Variants in CDH23 observed in about 807,000 individuals in gnomAD.
The protein encoded by CDH23 is cadherin-23.
CDH23 carries 189 observed loss-of-function variants against 317.1 expected under a neutral mutation model. The ratio of observed to expected loss-of-function variants is 0.60; its 90% CI spans 0.53 to 0.67. The LOEUF (loss-of-function observed/expected upper bound fraction) is 0.67, where lower values mean the gene tolerates loss of function less well. Among genes scored for constraint, CDH23 ranks in the 30% least tolerant of loss-of-function variants. The pLI, the probability that CDH23 is intolerant of heterozygous loss-of-function variation, is 0.00. For missense variants in CDH23, 4,401 were observed against 4,592.4 expected, an observed-to-expected ratio of 0.96 and a Z score of 1.20; for synonymous variants, 1,839 against 1,876.8, an observed-to-expected ratio of 0.98 and a Z score of 0.52.
chr10:71,752,425 G>A, intron 38 of CDH23, among the ~76,000 whole-genome samples: 1 of 152,152 alleles, frequency 6.6e-6, no homozygotes, highest in East Asian at 1.9e-4. Context: ...CAGGTACCGG[G>A]GCAGGAACTT....
At chr10:71,729,202 A>C (rs1866950109) in intron 30 of CDH23, among the ~76,000 whole-genome samples, 1 of 152,238 alleles carries the variant, frequency 6.6e-6, no homozygotes, top group African/African-American at 2.4e-5. Context: ...AAGAGAACTT[A>C]GTGCTGGTAA....
chr10:71,497,618 G>A (rs980549108), intron 3 of CDH23, among the ~76,000 whole-genome samples: 1 of 152,202 alleles, frequency 6.6e-6, no homozygotes, highest in Non-Finnish European at 1.5e-5. Context: ...GGTCTTCTCT[G>A]CCTGTCTATC....
intron 3 of CDH23, among the ~76,000 whole-genome samples, chr10:71,453,051 C>T (rs749247357): frequency 3.1e-4 from 47 of 152,192 alleles, no homozygotes; most frequent in African/African-American, 1.1e-3. Flanking sequence ...GGCTCCCTGT[C>T]CTTCCTTTTG....
At chr10:71,457,301 C>T (rs1850742895) in intron 3 of CDH23, among the ~76,000 whole-genome samples, 1 of 152,188 alleles carries the variant, frequency 6.6e-6, no homozygotes, top group Non-Finnish European at 1.5e-5. Context: ...AGTTAGGTTA[C>T]CTGCACAATC....
chr10:71,642,393 C>T (rs200045456), intron 11 of CDH23, among the ~76,000 whole-genome samples: 6 of 85,422 alleles, frequency 7.0e-5, no homozygotes, highest in Non-Finnish European at 1.1e-4. Context: ...GGCCCGGCCT[C>T]TTTTTTTTTT....
At chr10:71,448,335 C>T (rs1447690488) in intron 3 of CDH23, among the ~76,000 whole-genome samples, 3 of 152,250 alleles carry the variant, frequency 2.0e-5, no homozygotes, top group Admixed American at 1.3e-4. Context: ...ACGCCAGCAT[C>T]GATCGGCCTC....
Position 71,692,302 on chromosome 10 carries a change from C to CG in CDH23, c.2176+1722dup, listed in dbSNP as rs554653181. On this transcript the variant is annotated intron_variant, in intron 20 of 69. Transcript: ENST00000224721. ...CCACCCCCGCCCTTGCCTCCCCAGT[C>CG]GGGGCTCCAGCTCCACCTGGGGCCT... is the stretch of plus-strand genomic sequence containing the variant. Among the ~76,000 whole-genome samples the CG allele has an allele frequency of 8.5e-5, 13 of 152,324 alleles. No individual in the cohort carries two copies. The East Asian group carries it at 2.3e-3, about 27-fold the overall frequency.
chr10:71,493,083 T>A (rs985377985), intron 3 of CDH23, among the ~76,000 whole-genome samples: 1 of 151,780 alleles, frequency 6.6e-6, no homozygotes, highest in African/African-American at 2.4e-5. Flanking sequence ...GTTAAGAGAG[T>A]GTGTAGCCCC....
rs573634318 is a variant in CDH23 at position 71,525,298 on chromosome 10, G to A, written c.429+14086G>A. On this transcript the variant is annotated intron_variant, in intron 6 of 69. Coordinates refer to ENST00000224721, the MANE Select transcript of CDH23 (RefSeq NM_022124.6). Reference sequence around the variant, plus strand: ...AATCTGTGTTGTTTTAAGCCACTACGTATGTAGTAACTTGTTACAGCAGCC... The same window carrying A: ...AATCTGTGTTGTTTTAAGCCACTACATATGTAGTAACTTGTTACAGCAGCC... Among the ~76,000 whole-genome samples the A allele has an allele frequency of 2.8e-4, 43 of 152,330 alleles. No homozygotes were observed. The East Asian group carries it at 6.9e-3, about 25-fold the overall frequency.
chr10:71,586,615 C>T (rs942426027), intron 9 of CDH23, among the ~76,000 whole-genome samples: 3 of 152,126 alleles, frequency 2.0e-5, no homozygotes, highest in Admixed American at 2.0e-4. Context: ...ACACCTTACC[C>T]TCACCTTACC....
Position 71,468,460 on chromosome 10 carries a change from G to T in CDH23, c.145+22065G>T, listed in dbSNP as rs374482848. On this transcript the variant is annotated intron_variant, in intron 3 of 69. Coordinates refer to ENST00000224721, the MANE Select transcript of CDH23 (RefSeq NM_022124.6). ...GGCCATCTGTACTAGCATCCATGAT[G>T]CATGATCCTTCCAGCCTGTGTGGAT... 1.7e-4 allele frequency among the ~76,000 whole-genome samples: 26 copies of T among 152,306 alleles called. No homozygotes were observed. In the East Asian group the frequency reaches 3.7e-3, roughly 22 times the overall value.
At position 71,397,853 on chromosome 10, in the gene CDH23, G is replaced by A. The variant is rs1210771442; in HGVS notation, c.-6+535G>A. On this transcript the variant is annotated intron_variant, in intron 1 of 69. Transcript: ENST00000224721. This position sits in a 1 kb window ranked among gnomAD's most constrained non-coding sequence, Gnocchi z 4.8. ...CTCCCCTCATCAAGTCCCTGTGCCC[G>A]CGGGAGACCCCAGGGGACTTACACA... Among the ~76,000 whole-genome samples, 1 of 152,138 alleles carries A rather than the reference G, an allele frequency of 6.6e-6. No individual in the cohort carries two copies. Among genetic ancestry groups the A allele is most frequent in the Non-Finnish European group, 1.5e-5 (1 of 68,000 alleles).
At chr10:71,665,760 G>C (rs1247498966) in intron 14 of CDH23, among the ~76,000 whole-genome samples, 1 of 152,162 alleles carries the variant, frequency 6.6e-6, no homozygotes, top group Non-Finnish European at 1.5e-5. Flanking sequence ...GCAGAACCCA[G>C]GTCCCACCCC....
intron 1 of CDH23, among the ~76,000 whole-genome samples, chr10:71,404,843 T>C (rs1848024008): frequency 1.3e-5 from 2 of 152,340 alleles, no homozygotes; most frequent in African/African-American, 4.8e-5. Flanking sequence ...CACCTTCCTC[T>C]TTAAAGGCCA....
intron 6 of CDH23, among the ~76,000 whole-genome samples, chr10:71,533,571 T>C (rs4746084): frequency 0.59 from 76,655 of 129,204 alleles, 20,446 homozygotes; most frequent in East Asian, 0.88. Context: ...ACACACACAC[T>C]GGCTGGGGCT....
intron 3 of CDH23, among the ~76,000 whole-genome samples, chr10:71,476,039 T>C (rs987464705): frequency 5.9e-5 from 9 of 152,186 alleles, no homozygotes; most frequent in Non-Finnish European, 1.3e-4. Flanking sequence ...AGCCCCCACC[T>C]CCCTGGCAGC....
At chr10:71,720,454 C>T (rs1158210948) in intron 28 of CDH23, among the ~76,000 whole-genome samples, 4 of 150,838 alleles carry the variant, frequency 2.7e-5, no homozygotes, top group African/African-American at 9.7e-5. Context: ...CACACACTTC[C>T]CTCCCCCAGC....
In CDH23 at chr10:71,785,026, A is replaced by C. The variant is rs765686492; in HGVS notation, c.5638A>C (p.Ser1880Arg). ...VAHVLASDAD[S>R]GCNARLTFNI... ...CCATGTCCTGGCCAGTGACGCTGAC[A>C]GTGGCTGCAATGCACGCCTCACCTT... The change falls in exon 43 of 70, where the codon AGT becomes CGT. Residue 1880 changes from serine to arginine, a missense_variant. By Grantham distance (110) the Ser-to-Arg change is moderately radical (BLOSUM62 -1). Around this residue, in one of 3 missense-constraint regions of CDH23, gnomAD observed 3,068 missense variants for 3,203.3 expected, o/e 0.96. Transcript: ENST00000224721. 1.9e-6 allele frequency: 3 copies of C among 1,613,958 alleles called. No homozygotes were observed. The highest frequency in any genetic ancestry group is 2.5e-6 in the Non-Finnish European group (3 of 1,179,902).
intron 9 of CDH23, among the ~76,000 whole-genome samples, chr10:71,612,496 A>T (rs1049073476): frequency 1.3e-5 from 2 of 152,218 alleles, no homozygotes; most frequent in African/African-American, 4.8e-5. Flanking sequence ...GTCATTCAAC[A>T]AGGGGCTTCA....
Sources: gnomAD v4.1 joint callset for allele counts (sites outside exome capture counted in the v4.1 genomes callset) on GRCh38, gnomAD v4.1.1 for gene constraint, gnomAD v4.1.1 regional missense constraint, Gnocchi (gnomAD v3.1) non-coding constraint, MANE v1.5 for transcripts, NCBI Gene and HGNC (gene_info 2026-07-23, HGNC 2026-07-21) for gene names.